Variants in NID2 observed in about 807,000 individuals in gnomAD.
NID2 encodes the protein nidogen-2.
In NID2, 83 loss-of-function variants were observed where a neutral mutation model predicts 145.4. The observed-to-expected ratio is 0.57, with a 90% CI of 0.48 to 0.69. The LOEUF is 0.69. Ranked by LOEUF, NID2 falls within the 30% of genes least tolerant of loss-of-function variation. NID2 has a pLI of 0.00. For synonymous variants in NID2, 739 were observed against 701.3 expected (o/e 1.05, Z -0.85); for missense variants, 1,807 against 1,765.7 (o/e 1.02, Z -0.42).
chr14:52,062,695 G>A (rs147097346), intron 2 of NID2, among the ~76,000 whole-genome samples: 11 of 152,242 alleles, frequency 7.2e-5, no homozygotes, highest in African/African-American at 2.2e-4. Context: ...AGATAAGGAG[G>A]TTGTAGAGAC....
chr14:52,028,554 G>C, intron 11 of NID2, 168 bp downstream of exon 11: 2 of 696,886 alleles, frequency 2.9e-6, no homozygotes, highest in Non-Finnish European at 4.4e-6. Flanking sequence ...GATTACAGGC[G>C]TGAGCCACCA....
At chr14:52,011,719 GT>G in intron 16 of NID2, 36 bp from the exon 17 acceptor site, 1 of 1,612,842 alleles carries the variant, frequency 6.2e-7, no homozygotes, top group Non-Finnish European at 8.5e-7. Context: ...GAAGAATTAG[GT>G]TACATTTCCC....
rs1442899341 is a variant in NID2, at chr14:52,029,527, C to T, written c.2401+20G>A. 6.3e-7 allele frequency: 1 copy of T among 1,595,510 alleles called. No individual in the cohort carries two copies. Among genetic ancestry groups the T allele is most frequent in the African/African-American group, 1.3e-5 (1 of 74,648 alleles). On this transcript the variant is annotated intron_variant, in intron 10 of 21. Transcript: ENST00000216286. Reference sequence around the variant, plus strand: ...AAAAACAAGGGCTACAAGAAGGAGACACGAGAACATGGCTCTTACCCACAC... The same window carrying T: ...AAAAACAAGGGCTACAAGAAGGAGATACGAGAACATGGCTCTTACCCACAC...
chr14:52,007,726 GATTTC>G (rs1300843530), intron 19 of NID2, 79 bp downstream of exon 19: 1 of 1,195,636 alleles, frequency 8.4e-7, no homozygotes, highest in East Asian at 2.3e-5. Context: ...TAAGTGATGG[GATTTC>G]ATTTTGTAGT....
rs1185429260 is a variant in NID2 at position 52,030,567 on chromosome 14, A to AAAAAAGAGAAC, written c.2258-878_2258-877insGTTCTCTTTTT. Among the ~76,000 whole-genome samples the AAAAAAGAGAAC allele has an allele frequency of 3.8e-4, 38 of 99,318 alleles. 1 individual carries two copies. The highest frequency in any genetic ancestry group is 1.3e-3 in the African/African-American group (35 of 26,042). The allele number at this position is 99,318 out of a possible 152,430, so 65.2% of individuals were successfully genotyped here. On this transcript the variant is annotated intron_variant, in intron 9 of 21. Coordinates refer to ENST00000216286, the MANE Select transcript of NID2 (RefSeq NM_007361.4). ...AAGAAAGAAAGAAAGAAAGAAAGAA[A>AAAAAAGAGAAC]GGAAGGAAGGGAAAGAAAGAAAGAA...
chr14:52,019,960 G>T (rs1891342203), intron 13 of NID2, 99 bp downstream of exon 13: 2 of 1,480,264 alleles, frequency 1.4e-6, no homozygotes, highest in Admixed American at 4.4e-5. Context: ...AATCCACCAA[G>T]GCTCCAGACC....
At chr14:52,052,069 A>G (rs965911241) in intron 5 of NID2, among the ~76,000 whole-genome samples, 5 of 152,140 alleles carry the variant, frequency 3.3e-5, no homozygotes, top group African/African-American at 4.8e-5. Context: ...ACAACCCACA[A>G]ATGAGAAGGC....
intron 21 of NID2, 41 bp from the exon 22 acceptor site, chr14:52,005,537 G>GTATA: frequency 6.3e-7 from 1 of 1,588,326 alleles, no homozygotes; most frequent in Non-Finnish European, 8.6e-7. Flanking sequence ...TGGTGGGTGA[G>GTATA]TATATTGTAA....
At position 52,005,475 on chromosome 14, in the gene NID2, C is replaced by T. The variant is rs1051171051; in HGVS notation, c.*11G>A. The T allele has an allele frequency of 6.3e-7, 1 of 1,590,544 alleles. No individual in the cohort carries two copies. Reference sequence around the variant, plus strand: ...ATTGTAAACTCCAAGTCTTCCTTTACATTACTGTACTTACTTTCTTCCTGT... The same window carrying T: ...ATTGTAAACTCCAAGTCTTCCTTTATATTACTGTACTTACTTTCTTCCTGT... On this transcript the variant is annotated 3_prime_UTR_variant, in exon 22 of 22. Coordinates refer to ENST00000216286, the MANE Select transcript of NID2 (RefSeq NM_007361.4).
At chr14:52,021,248 G>A (rs1194938333) in intron 12 of NID2, among the ~76,000 whole-genome samples, 1 of 151,880 alleles carries the variant, frequency 6.6e-6, no homozygotes. Context: ...GGGATGGTGT[G>A]ATCAGTGTGA....
At chr14:52,030,577 G>GAAAA (rs1566755681) in intron 9 of NID2, among the ~76,000 whole-genome samples, 1 of 92,952 alleles carries the variant, frequency 1.1e-5, no homozygotes, top group African/African-American at 3.9e-5. Context: ...AGGAAGGAAG[G>GAAAA]GAAAGAAAGA....
intron 14 of NID2, among the ~76,000 whole-genome samples, chr14:52,016,869 C>A (rs112492414): frequency 6.6e-6 from 1 of 152,264 alleles, no homozygotes; most frequent in African/African-American, 2.4e-5. Context: ...CAAAAGACTG[C>A]GAATGAAGTT....
chr14:52,040,910 A>G, intron 7 of NID2, 59 bp from the exon 8 acceptor site: 1 of 1,480,948 alleles, frequency 6.8e-7, no homozygotes, highest in Non-Finnish European at 9.4e-7. Context: ...AACAGTTACC[A>G]GTATATACTG....
Position 52,064,120 on chromosome 14 carries a change from G to A in NID2, c.534+3738C>T, listed in dbSNP as rs569152337. ...CCAGAAGTCAAAAAGCTACAATAAA[G>A]TCCTGCTTTTACCTCTCATTTTCTC... On this transcript the variant is annotated intron_variant, in intron 2 of 21. Transcript: ENST00000216286. Among the ~76,000 whole-genome samples, 58 of 152,166 alleles carry A rather than the reference G, an allele frequency of 3.8e-4. 1 individual carries two copies. Among genetic ancestry groups the A allele is most frequent in the African/African-American group, 1.4e-3 (57 of 41,514 alleles).
intron 5 of NID2, 88 bp from the exon 6 acceptor site, chr14:52,043,019 G>T: frequency 7.7e-7 from 1 of 1,301,208 alleles, no homozygotes; most frequent in Non-Finnish European, 1.1e-6. Flanking sequence ...CTCCATAGAA[G>T]CAGTTTAGAT....
Position 52,038,736 on chromosome 14 carries a change from G to C in NID2, c.2257+11C>G. ...GTCATTTTTACCCAACAACAAAAAA[G>C]GAAACCTTACCTTTGACCGGGCCAA... On this transcript the variant is annotated intron_variant, in intron 9 of 21. Transcript: ENST00000216286. The C allele has an allele frequency of 6.5e-7, 1 of 1,539,066 alleles. No individual in the cohort carries two copies. Among genetic ancestry groups the C allele is most frequent in the East Asian group, 2.3e-5 (1 of 44,048 alleles).
Position 52,007,688 on chromosome 14 carries a change from A to T in NID2, c.3880+122T>A, listed in dbSNP as rs1029248053. 3 of 928,366 alleles carry T rather than the reference A, an allele frequency of 3.2e-6. No individual in the cohort carries two copies. In the South Asian group the frequency reaches 4.4e-5, roughly 13 times the overall value. The allele number at this position is 928,366 out of a possible 1,614,324, so 57.5% of individuals were successfully genotyped here. A position where few individuals can be genotyped will look rare whatever the true frequency, so the allele number is the denominator to read the frequency against. ...TAGTACTTAAATTTACTAGTACTTAAAAGTTTACAGACCAAAGAAAGGAGA... is the reference window on the plus strand; with the variant it reads ...TAGTACTTAAATTTACTAGTACTTATAAGTTTACAGACCAAAGAAAGGAGA... On this transcript the variant is annotated intron_variant, in intron 19 of 21. Coordinates refer to ENST00000216286, the MANE Select transcript of NID2 (RefSeq NM_007361.4).
At chr14:52,049,898 C>T (rs2140416567) in intron 5 of NID2, among the ~76,000 whole-genome samples, 1 of 152,234 alleles carries the variant, frequency 6.6e-6, no homozygotes, top group South Asian at 2.1e-4. Context: ...GGCGGCGGCT[C>T]CTGGTCACAG....
chr14:52,028,900 A>C (rs1366043401), intron 10 of NID2, 50 bp from the exon 11 acceptor site: 1 of 1,596,838 alleles, frequency 6.3e-7, no homozygotes, highest in African/African-American at 1.3e-5. Flanking sequence ...AGGGTCCCAG[A>C]AGTGGAGGGT....
Sources: gnomAD v4.1 joint callset for allele counts (sites outside exome capture counted in the v4.1 genomes callset) on GRCh38, gnomAD v4.1.1 for gene constraint, MANE v1.5 for transcripts, NCBI Gene and HGNC (gene_info 2026-07-23, HGNC 2026-07-21) for gene names.